Variants in FOCAD observed in about 807,000 individuals in gnomAD.
FOCAD encodes focadhesin, also known as KIAA1797.
A neutral mutation model predicts 225.6 loss-of-function variants in FOCAD; 198 were observed. The ratio of observed to expected loss-of-function variants is 0.88; its 90% CI spans 0.78 to 0.99. The LOEUF (loss-of-function observed/expected upper bound fraction) is 0.99. Among genes scored for constraint, FOCAD ranks in the 50% least tolerant of loss-of-function variants. The probability of loss-of-function intolerance (pLI) is 0.00; values close to 1 mark genes in which losing one functional copy is unlikely to be tolerated. For synonymous variants in FOCAD, 897 were observed against 755.0 expected, an observed-to-expected ratio of 1.19 and a Z score of -3.08; for missense variants, 2,713 against 2,123.6, an observed-to-expected ratio of 1.28 and a Z score of -5.46.
At chr9:20,964,604 T>G (rs1429830200) in intron 35 of FOCAD, among the ~76,000 whole-genome samples, 2 of 151,864 alleles carry the variant, frequency 1.3e-5, no homozygotes, top group Non-Finnish European at 1.5e-5. Flanking sequence ...GGCGTGATCT[T>G]GGCTCACTGC....
chr9:20,801,101 G>A (rs1821774833), intron 11 of FOCAD, among the ~76,000 whole-genome samples: 1 of 152,136 alleles, frequency 6.6e-6, no homozygotes, highest in Admixed American at 6.5e-5. Context: ...GTTGGAGTTT[G>A]CCGGAGGTCC....
chr9:20,798,993 A>G lies in FOCAD; in HGVS notation c.1455+9385A>G, dbSNP rs537275628. Among the ~76,000 whole-genome samples the G allele has an allele frequency of 4.5e-4, 69 of 152,298 alleles. 2 individuals carry two copies. The South Asian group carries it at 0.014, about 31-fold the overall frequency. On this transcript the variant is annotated intron_variant, in intron 11 of 43. Transcript: ENST00000338382. ...TTCTCTTGTGGACATTTATTGCTAT[A>G]AATTTCCCTGTACACACTGCTTTGA...
intron 15 of FOCAD, among the ~76,000 whole-genome samples, chr9:20,847,383 A>G (rs1827221106): frequency 6.6e-6 from 1 of 152,038 alleles, no homozygotes; most frequent in Non-Finnish European, 1.5e-5. Flanking sequence ...AGGTTCATGC[A>G]CGTTGTAGTA....
intron 11 of FOCAD, among the ~76,000 whole-genome samples, chr9:20,804,536 A>T (rs1204707908): frequency 6.6e-6 from 1 of 151,718 alleles, no homozygotes; most frequent in Admixed American, 6.5e-5. Context: ...CCCTGGCTGA[A>T]GCTATAGTGA....
At chr9:20,824,586 C>T (rs1824677096) in intron 15 of FOCAD, among the ~76,000 whole-genome samples, 1 of 152,048 alleles carries the variant, frequency 6.6e-6, no homozygotes, top group Non-Finnish European at 1.5e-5. Context: ...AAGACATCAT[C>T]ATTAACTGTG....
At chr9:20,765,705 A>G (rs1196071772) in intron 7 of FOCAD, among the ~76,000 whole-genome samples, 1 of 152,200 alleles carries the variant, frequency 6.6e-6, no homozygotes, top group Non-Finnish European at 1.5e-5. Context: ...GGAAAGAGAA[A>G]TTTGAGTCAT....
chr9:20,840,431 C>CATTTTATTTTATTTT (rs71334558), intron 15 of FOCAD, among the ~76,000 whole-genome samples: 454 of 148,250 alleles, frequency 3.1e-3, no homozygotes, highest in Non-Finnish European at 5.4e-3. Context: ...AGAGGTATAT[C>CATTTTATTTTATTTT]ATTTTATTTT....
At chr9:20,779,522 G>A (rs1010760816) in intron 9 of FOCAD, among the ~76,000 whole-genome samples, 7 of 152,158 alleles carry the variant, frequency 4.6e-5, no homozygotes, top group African/African-American at 1.7e-4. Context: ...CGAAGTGGGT[G>A]GACCACCTGA....
intron 15 of FOCAD, among the ~76,000 whole-genome samples, chr9:20,826,817 A>G (rs1342246489): frequency 1.3e-5 from 2 of 152,192 alleles, no homozygotes; most frequent in South Asian, 2.1e-4. Flanking sequence ...AAATGTGGGC[A>G]TTGAAAGTAG....
chr9:20,850,451 G>A (rs889619290), intron 15 of FOCAD, among the ~76,000 whole-genome samples: 2 of 151,774 alleles, frequency 1.3e-5, no homozygotes, highest in Admixed American at 6.6e-5. Flanking sequence ...GATGATGGTA[G>A]ATATAAATTG....
chr9:20,901,425 C>T (rs1832552909), intron 21 of FOCAD, among the ~76,000 whole-genome samples: 1 of 151,776 alleles, frequency 6.6e-6, no homozygotes, highest in African/African-American at 2.4e-5. Flanking sequence ...TCTTCCAATC[C>T]CATTCTAGTT....
intron 6 of FOCAD, 70 bp downstream of exon 6, chr9:20,758,261 G>A (rs1370953433): frequency 3.4e-5 from 35 of 1,028,236 alleles, no homozygotes; most frequent in African/African-American, 3.3e-5. Flanking sequence ...TAGAGCTAGG[G>A]TTTTTTTTTG....
intron 43 of FOCAD, among the ~76,000 whole-genome samples, chr9:20,993,579 C>T (rs1049512281): frequency 1.3e-5 from 2 of 152,046 alleles, no homozygotes; most frequent in African/African-American, 2.4e-5. Context: ...CATACATGGC[C>T]GGAAGGTAAT....
At chr9:20,701,980 A>G (rs1397374139) in intron 1 of FOCAD, among the ~76,000 whole-genome samples, 1 of 152,216 alleles carries the variant, frequency 6.6e-6, no homozygotes, top group Non-Finnish European at 1.5e-5. Flanking sequence ...ACAAGGTATT[A>G]GATTCAGACT....
intron 8 of FOCAD, among the ~76,000 whole-genome samples, chr9:20,771,255 C>T (rs190805725): frequency 6.6e-6 from 1 of 152,218 alleles, no homozygotes; most frequent in African/African-American, 2.4e-5. Context: ...CTGGGCTTGT[C>T]TTCCATGCCA....
intron 37 of FOCAD, 126 bp from the exon 38 acceptor site, chr9:20,981,300 G>A: frequency 1.8e-6 from 2 of 1,106,378 alleles, no homozygotes; most frequent in Non-Finnish European, 2.6e-6. Flanking sequence ...AAATGAAGGG[G>A]GAAGGAAGTA....
At chr9:20,945,024 C>T (rs189577346) in intron 29 of FOCAD, among the ~76,000 whole-genome samples, 272 of 152,272 alleles carry the variant, frequency 1.8e-3, no homozygotes, top group African/African-American at 6.2e-3. Flanking sequence ...CTCAGCATCA[C>T]TAGAAGGCAC....
rs148851246 is a variant in FOCAD at position 20,685,998 on chromosome 9, G to A, written c.-33+1705G>A. On this transcript the variant is annotated intron_variant, in intron 1 of 43. Coordinates refer to ENST00000338382, the MANE Select transcript of FOCAD (RefSeq NM_001375567.1). Reference sequence around the variant, plus strand: ...GGTAAATCGTTTGGCCTTTTTCCCCGTTTAAAATGATTTATGAAACAGTCT... The same window carrying A: ...GGTAAATCGTTTGGCCTTTTTCCCCATTTAAAATGATTTATGAAACAGTCT... Among the ~76,000 whole-genome samples the A allele has an allele frequency of 7.9e-3, 1,202 of 152,126 alleles. 14 individuals carry two copies. Among genetic ancestry groups the A allele is most frequent in the African/African-American group, 0.025 (1,036 of 41,494 alleles).
At chr9:20,766,827 C>A (rs566256873) in intron 7 of FOCAD, among the ~76,000 whole-genome samples, 2 of 146,912 alleles carry the variant, frequency 1.4e-5, no homozygotes, top group African/African-American at 5.0e-5. Flanking sequence ...TTGATGTGGT[C>A]TTTTTTTTTT....
Sources: allele counts gnomAD v4.1 joint callset (sites outside exome capture counted in the v4.1 genomes callset), GRCh38; gene constraint gnomAD v4.1.1; transcripts MANE v1.5; gene names NCBI Gene and HGNC (gene_info 2026-07-23, HGNC 2026-07-21).